Variants in ZNF407 observed in about 807,000 individuals in gnomAD.
ZNF407 encodes the protein zinc finger protein 407.
A neutral mutation model predicts 131.2 loss-of-function variants in ZNF407; 17 were observed. That is an observed-to-expected ratio of 0.13 (90% CI 0.09 to 0.19). The LOEUF is 0.19. ZNF407 is among the 10% of genes least tolerant of loss of function. The probability of loss-of-function intolerance (pLI) is 1.00; values close to 1 mark genes in which losing one functional copy is unlikely to be tolerated. For synonymous variants in ZNF407, 1,156 were observed against 1,062.0 expected (o/e 1.09, Z -1.72); for missense variants, 2,681 against 2,830.6 (o/e 0.95, Z 1.20).
intron 8 of ZNF407, among the ~76,000 whole-genome samples, chr18:74,942,594 G>A (rs919383091): frequency 6.6e-6 from 1 of 152,172 alleles, no homozygotes; most frequent in East Asian, 1.9e-4. Flanking sequence ...TTTCAGAAAC[G>A]TGCTTTTTAT....
Position 74,882,299 on chromosome 18 carries a change from C to A in ZNF407, c.5128+1180C>A, listed in dbSNP as rs570635303. 3.9e-5 allele frequency among the ~76,000 whole-genome samples: 6 copies of A among 152,210 alleles called. No homozygotes were observed. The South Asian group carries it at 6.2e-4, about 16-fold the overall frequency. On this transcript the variant is annotated intron_variant, in intron 6 of 8. Coordinates refer to ENST00000299687, the MANE Select transcript of ZNF407 (RefSeq NM_017757.3). ...TGGTTTCTTGTAATTATTAATAGAA[C>A]CACTTTTTTACTCTAAATGTGTCCT...
intron 4 of ZNF407, among the ~76,000 whole-genome samples, chr18:74,810,270 T>G (rs562031298): frequency 6.6e-6 from 1 of 152,084 alleles, no homozygotes; most frequent in African/African-American, 2.4e-5. Flanking sequence ...AGAAGGCAAG[T>G]TGTTAAGGAA....
intron 1 of ZNF407, among the ~76,000 whole-genome samples, chr18:74,628,207 C>G (rs1017603231): frequency 3.9e-5 from 6 of 152,054 alleles, no homozygotes; most frequent in African/African-American, 1.4e-4. Flanking sequence ...TCTTTTTACT[C>G]ATTTTCAAAT....
chr18:74,989,663 G>A (rs941776209), intron 8 of ZNF407, among the ~76,000 whole-genome samples: 1 of 151,918 alleles, frequency 6.6e-6, no homozygotes, highest in Admixed American at 6.6e-5. Flanking sequence ...CCAACATGGC[G>A]AGACCCCATC....
At chr18:74,852,164 TACACACAC>T (rs10539805) in intron 4 of ZNF407, among the ~76,000 whole-genome samples, 3,304 of 149,632 alleles carry the variant, frequency 0.022, 35 homozygotes, top group Non-Finnish European at 0.029. Flanking sequence ...GGATGCATGC[TACACACAC>T]ACACACACAC....
intron 3 of ZNF407, among the ~76,000 whole-genome samples, chr18:74,714,767 T>C (rs1447373600): frequency 2.6e-5 from 4 of 152,224 alleles, no homozygotes; most frequent in Non-Finnish European, 4.4e-5. Flanking sequence ...AGTTTTCTCA[T>C]AGTATCAGGT....
At chr18:74,786,657 C>T (rs1052184862) in intron 4 of ZNF407, among the ~76,000 whole-genome samples, 37 of 151,816 alleles carry the variant, frequency 2.4e-4, no homozygotes, top group African/African-American at 7.0e-4. Context: ...ATTTCGATGA[C>T]GTACTGCTTT....
At chr18:74,792,268 A>G (rs1248436890) in intron 4 of ZNF407, among the ~76,000 whole-genome samples, 2 of 152,122 alleles carry the variant, frequency 1.3e-5, no homozygotes, top group African/African-American at 4.8e-5. Context: ...CTAATCACAC[A>G]GAGCAAAGGA....
intron 1 of ZNF407, among the ~76,000 whole-genome samples, chr18:74,630,046 A>G (rs1231688741): frequency 6.6e-6 from 1 of 152,194 alleles, no homozygotes; most frequent in African/African-American, 2.4e-5. Context: ...TTTCATTGGT[A>G]AAAGAGCTTG....
intron 8 of ZNF407, among the ~76,000 whole-genome samples, chr18:74,935,429 A>T (rs1238674590): frequency 6.6e-6 from 1 of 152,210 alleles, no homozygotes; most frequent in Non-Finnish European, 1.5e-5. Context: ...CGACAGGATT[A>T]GGCTTTTTTA....
chr18:74,697,843 G>A (rs1190714191), intron 3 of ZNF407, among the ~76,000 whole-genome samples: 4 of 152,180 alleles, frequency 2.6e-5, no homozygotes, highest in Non-Finnish European at 5.9e-5. Flanking sequence ...GCAATTTGCA[G>A]TGCATGCTGT....
At chr18:74,861,248 TGGGAGGAA>T (rs1970932780) in intron 4 of ZNF407, among the ~76,000 whole-genome samples, 2 of 152,188 alleles carry the variant, frequency 1.3e-5, no homozygotes, top group Admixed American at 1.3e-4. Context: ...ATACTAAACC[TGGGAGGAA>T]GCTGTCAGGC....
intron 1 of ZNF407, among the ~76,000 whole-genome samples, chr18:74,627,830 TGCCCCGCCCCACCCCGCCCC>T (rs1983861625): frequency 4.6e-5 from 6 of 131,636 alleles, no homozygotes; most frequent in Non-Finnish European, 9.7e-5. Context: ...TGCCCTGCCC[TGCCCCGCCCCACCCCGCCCC>T]GCCCCGCCCC....
chr18:74,852,276 G>A (rs1025998617), intron 4 of ZNF407, among the ~76,000 whole-genome samples: 61 of 152,046 alleles, frequency 4.0e-4, no homozygotes, highest in African/African-American at 1.2e-3. Flanking sequence ...AATTTTAAAA[G>A]TAATTTTTAA....
In ZNF407 at chr18:74,868,680, G is replaced by A. The variant is rs74332930; in HGVS notation, c.4878-8517G>A. On this transcript the variant is annotated intron_variant, in intron 4 of 8. Transcript: ENST00000299687. ...CTGGGCCCCAGAGCTTGTCTCAGTC[G>A]CTGCTGTTTCCATCACACCACTTGG... Among the ~76,000 whole-genome samples the A allele has an allele frequency of 9.3e-3, 1,416 of 152,264 alleles. 14 individuals are homozygous for A. The highest frequency in any genetic ancestry group is 0.017 in the Middle Eastern group (5 of 294).
At chr18:74,788,088 T>A (rs1969754818) in intron 4 of ZNF407, among the ~76,000 whole-genome samples, 1 of 152,204 alleles carries the variant, frequency 6.6e-6, no homozygotes. Flanking sequence ...AAAATTGTGA[T>A]CCATCTCTAG....
At chr18:74,751,577 G>A (rs1172724221) in intron 3 of ZNF407, among the ~76,000 whole-genome samples, 2 of 151,594 alleles carry the variant, frequency 1.3e-5, no homozygotes, top group Non-Finnish European at 2.9e-5. Context: ...CTGTGTCCAA[G>A]TGTTCTCATT....
chr18:74,895,094 C>T (rs755358366), intron 7 of ZNF407, among the ~76,000 whole-genome samples: 14 of 151,972 alleles, frequency 9.2e-5, no homozygotes, highest in Admixed American at 7.2e-4. Context: ...AGATTTACCT[C>T]GTCATTTTGC....
intron 5 of ZNF407, among the ~76,000 whole-genome samples, chr18:74,879,174 G>A (rs1468380899): frequency 2.0e-5 from 3 of 152,130 alleles, no homozygotes; most frequent in Admixed American, 6.5e-5. Context: ...AATCTTAAGA[G>A]GGATTTTCTA....
Sources: allele counts gnomAD v4.1 joint callset (sites outside exome capture counted in the v4.1 genomes callset), GRCh38; gene constraint gnomAD v4.1.1; transcripts MANE v1.5; gene names NCBI Gene and HGNC (gene_info 2026-07-23, HGNC 2026-07-21).